Variants in ERC1 observed in about 807,000 individuals in gnomAD.
The protein encoded by ERC1 is ELKS/RAB6-interacting/CAST family member 1, also known as RAB6 interacting protein 2.
A neutral mutation model predicts 132.0 loss-of-function variants in ERC1; 56 were observed. The ratio of observed to expected loss-of-function variants is 0.42; its 90% CI spans 0.34 to 0.53. The LOEUF (loss-of-function observed/expected upper bound fraction) is 0.53, where lower values mean the gene tolerates loss of function less well. Among genes scored for constraint, ERC1 ranks in the 20% least tolerant of loss-of-function variants. The probability of loss-of-function intolerance (pLI) is 0.03; values close to 1 mark genes in which losing one functional copy is unlikely to be tolerated. For synonymous variants in ERC1, 478 were observed against 476.1 expected (o/e 1.00, Z -0.05); for missense variants, 1,202 against 1,349.9 (o/e 0.89, Z 1.72).
At chr12:1,202,795 G>A (rs574991941) in intron 12 of ERC1, among the ~76,000 whole-genome samples, 28 of 152,244 alleles carry the variant, frequency 1.8e-4, no homozygotes, top group African/African-American at 6.0e-4. Context: ...GGATTTACCC[G>A]TGTGTTATGT....
intron 16 of ERC1, among the ~76,000 whole-genome samples, chr12:1,398,674 G>A (rs2090747486): frequency 6.6e-6 from 1 of 152,184 alleles, no homozygotes; most frequent in Non-Finnish European, 1.5e-5. Flanking sequence ...AAGTCGGTAG[G>A]TAGGTAGATT....
At chr12:1,267,186 T>A (rs1489503935) in intron 14 of ERC1, among the ~76,000 whole-genome samples, 1 of 152,224 alleles carries the variant, frequency 6.6e-6, no homozygotes, top group Admixed American at 6.5e-5. Context: ...GTGAGCAAAT[T>A]GGAAGATGGA....
At chr12:1,383,408 A>G (rs1264538397) in intron 16 of ERC1, among the ~76,000 whole-genome samples, 1 of 150,016 alleles carries the variant, frequency 6.7e-6, no homozygotes, top group African/African-American at 2.5e-5. Context: ...AGACCAATAT[A>G]TTCCAAAAAT....
intron 11 of ERC1, among the ~76,000 whole-genome samples, chr12:1,184,281 C>CT (rs975777036): frequency 3.5e-4 from 52 of 150,166 alleles, no homozygotes; most frequent in Middle Eastern, 3.4e-3. Context: ...AATTTCCTAG[C>CT]TTTTTTTTTA....
chr12:1,113,929 C>G (rs1352395920), intron 6 of ERC1, among the ~76,000 whole-genome samples: 2 of 152,190 alleles, frequency 1.3e-5, no homozygotes, highest in Non-Finnish European at 2.9e-5. Flanking sequence ...TGCTCCTAAG[C>G]TTTGTATTAT....
intron 6 of ERC1, 39 bp downstream of exon 6, chr12:1,112,337 C>A (rs568861250): frequency 1.4e-6 from 2 of 1,433,770 alleles, no homozygotes; most frequent in African/African-American, 1.4e-5. Flanking sequence ...GTGCAGTGGT[C>A]CCACAGTGGG....
chr12:1,028,599 T>C, intron 2 of ERC1, 27 bp downstream of exon 2: 1 of 1,550,660 alleles, frequency 6.4e-7, no homozygotes, highest in Non-Finnish European at 8.8e-7. Context: ...TTTACCTTTA[T>C]TGGCTGAATT....
chr12:1,078,068 G>C (rs763683268), intron 2 of ERC1, among the ~76,000 whole-genome samples: 1 of 152,180 alleles, frequency 6.6e-6, no homozygotes, highest in Non-Finnish European at 1.5e-5. Flanking sequence ...TACCAAAATA[G>C]TAATTGCCAT....
chr12:1,137,855 A>C (rs1949411454), intron 7 of ERC1, among the ~76,000 whole-genome samples: 1 of 147,878 alleles, frequency 6.8e-6, no homozygotes, highest in African/African-American at 2.5e-5. Context: ...TGTCTCAAAA[A>C]AACAAAAAAT....
intron 18 of ERC1, among the ~76,000 whole-genome samples, chr12:1,472,958 A>C (rs569906600): frequency 6.6e-6 from 1 of 152,338 alleles, no homozygotes; most frequent in African/African-American, 2.4e-5. Context: ...ACTGTGAACT[A>C]TCAAATTGTT....
chr12:1,363,803 G>A (rs937136807), intron 15 of ERC1, among the ~76,000 whole-genome samples: 3 of 151,994 alleles, frequency 2.0e-5, no homozygotes, highest in Admixed American at 2.0e-4. Context: ...TGATCCACCC[G>A]CCTCAGCCTC....
chr12:1,302,443 TC>T lies in ERC1; in HGVS notation c.2780+12436del, dbSNP rs1237880093. On this transcript the variant is annotated intron_variant, in intron 15 of 18. Coordinates refer to ENST00000360905, the MANE Select transcript of ERC1 (RefSeq NM_178040.4). ...TGCAAAAGAGATAACAATGTCTATA[TC>T]CCCCTATTCAATACTATATTGGAGA... is the stretch of plus-strand genomic sequence containing the variant. 2.0e-5 allele frequency among the ~76,000 whole-genome samples: 3 copies of T among 151,798 alleles called. No homozygotes were observed. The East Asian group carries it at 5.8e-4, about 29-fold the overall frequency.
chr12:1,074,509 G>A (rs1941014538), intron 2 of ERC1, among the ~76,000 whole-genome samples: 1 of 151,892 alleles, frequency 6.6e-6, no homozygotes. Context: ...TGGTCAAACT[G>A]GTCTCAAACT....
intron 15 of ERC1, among the ~76,000 whole-genome samples, chr12:1,293,097 T>TCG (rs1231879797): frequency 0.015 from 2,179 of 148,096 alleles, 24 homozygotes; most frequent in Middle Eastern, 0.063. Flanking sequence ...TGAGCTGAGA[T>TCG]TGCACCATTG....
chr12:1,329,595 A>G (rs12310930), intron 15 of ERC1, among the ~76,000 whole-genome samples: 15,934 of 152,210 alleles, frequency 0.1, 1,364 homozygotes, highest in African/African-American at 0.24. Context: ...AATTTTCCCA[A>G]TTATACTAAT....
chr12:1,118,027 C>T (rs1423341308), intron 7 of ERC1, among the ~76,000 whole-genome samples: 3 of 152,158 alleles, frequency 2.0e-5, no homozygotes, highest in Admixed American at 6.5e-5. Context: ...TGGAGAATGG[C>T]GGTATCCATC....
At chr12:1,112,381 C>T in intron 6 of ERC1, 83 bp downstream of exon 6, 2 of 948,834 alleles carry the variant, frequency 2.1e-6, no homozygotes, top group South Asian at 2.7e-5. Context: ...GGGTGGCTTA[C>T]CCTTTCATTC....
chr12:1,118,710 G>A (rs1206266410), intron 7 of ERC1, among the ~76,000 whole-genome samples: 1 of 152,224 alleles, frequency 6.6e-6, no homozygotes, highest in Non-Finnish European at 1.5e-5. Context: ...TTAGAGCCCA[G>A]TAAAAGGCAG....
intron 13 of ERC1, among the ~76,000 whole-genome samples, chr12:1,241,172 T>C (rs1294966164): frequency 6.6e-6 from 1 of 152,206 alleles, no homozygotes; most frequent in Non-Finnish European, 1.5e-5. Flanking sequence ...AGGCATTCTG[T>C]TTTCCCTATA....
Sources: allele counts gnomAD v4.1 joint callset (sites outside exome capture counted in the v4.1 genomes callset), GRCh38; gene constraint gnomAD v4.1.1; transcripts MANE v1.5; gene names NCBI Gene and HGNC (gene_info 2026-07-23, HGNC 2026-07-21).